Variants in IMMP2L observed in about 807,000 individuals in gnomAD.
The protein encoded by IMMP2L is inner mitochondrial membrane peptidase subunit 2, also known as mitochondrial inner membrane protease subunit 2.
In IMMP2L, 18 loss-of-function variants were observed where a neutral mutation model predicts 19.3. The ratio of observed to expected loss-of-function variants is 0.93; its 90% CI spans 0.64 to 1.38. The LOEUF (loss-of-function observed/expected upper bound fraction) is 1.38. Among genes scored for constraint, IMMP2L ranks in the 40% most tolerant of loss-of-function variants. The pLI is 0.00. For missense variants in IMMP2L, 233 were observed against 218.2 expected (o/e 1.07, Z -0.43); for synonymous variants, 76 against 73.0 (o/e 1.04, Z -0.21).
intron 3 of IMMP2L, among the ~76,000 whole-genome samples, chr7:111,435,902 C>A (rs755596533): frequency 1.3e-5 from 2 of 151,730 alleles, no homozygotes; most frequent in African/African-American, 2.4e-5. Flanking sequence ...TCAAGGATAG[C>A]AGCTATCAGA....
rs151180120 is a variant in IMMP2L, at chr7:111,414,094, A to G, written c.239+73144T>C. ...CACCCCCATGAGAATCTTTGCAGTG[A>G]ACTTGACCCCCTCCTCAGGGGCTGG... On this transcript the variant is annotated intron_variant, in intron 3 of 5. Coordinates refer to ENST00000405709, the MANE Select transcript of IMMP2L (RefSeq NM_032549.4). 2.1e-3 allele frequency among the ~76,000 whole-genome samples: 326 copies of G among 151,806 alleles called. 13 individuals are homozygous for G. The highest frequency in any genetic ancestry group is 7.5e-3 in the African/African-American group (308 of 41,170).
At chr7:111,253,710 T>C (rs1204303521) in intron 3 of IMMP2L, among the ~76,000 whole-genome samples, 1 of 152,132 alleles carries the variant, frequency 6.6e-6, no homozygotes, top group Admixed American at 6.6e-5. Flanking sequence ...TCACAAAATA[T>C]GTATCAATAT....
rs1179727456 is a variant in IMMP2L, at chr7:111,016,809, CTATATATTATATATAATATATAG to C, written c.240-53267_240-53245del. Among the ~76,000 whole-genome samples, 97 of 43,118 alleles carry C rather than the reference CTATATATTATATATAATATATAG, an allele frequency of 2.2e-3. 2 individuals are homozygous for C. The highest frequency in any genetic ancestry group is 3.8e-3 in the Non-Finnish European group (85 of 22,086). The allele number at this position is 43,118 out of a possible 152,430, so 28.3% of individuals were successfully genotyped here. On this transcript the variant is annotated intron_variant, in intron 3 of 5. Coordinates refer to ENST00000405709, the MANE Select transcript of IMMP2L (RefSeq NM_032549.4). ...TATACTATATAATATATAATATATACTATATATTATATATAATATATAGTATATATTATATATAATATATATTA... is the reference window on the plus strand; with the variant it reads ...TATACTATATAATATATAATATATACTATATATTATATATAATATATATTA...
chr7:111,361,341 C>T (rs1421094501), intron 3 of IMMP2L, among the ~76,000 whole-genome samples: 7 of 152,030 alleles, frequency 4.6e-5, no homozygotes, highest in Non-Finnish European at 1.0e-4. Flanking sequence ...AAAATTGTTG[C>T]ATTTTGCAAG....
At chr7:111,315,894 A>G (rs1002506719) in intron 3 of IMMP2L, among the ~76,000 whole-genome samples, 21 of 152,308 alleles carry the variant, frequency 1.4e-4, no homozygotes, top group Admixed American at 1.0e-3. Flanking sequence ...AGGAAAGTAC[A>G]GTTATGCATC....
chr7:111,128,109 A>C (rs531198987), intron 3 of IMMP2L, among the ~76,000 whole-genome samples: 1 of 152,294 alleles, frequency 6.6e-6, no homozygotes, highest in East Asian at 1.9e-4. Flanking sequence ...AAAAGTTTTT[A>C]AGTAAAACTA....
At chr7:111,426,546 T>C (rs558943927) in intron 3 of IMMP2L, among the ~76,000 whole-genome samples, 3 of 151,280 alleles carry the variant, frequency 2.0e-5, no homozygotes, top group South Asian at 4.1e-4. Context: ...TGCAAATCTT[T>C]CACACAGCAA....
At chr7:111,489,099 A>G (rs947357789) in intron 2 of IMMP2L, among the ~76,000 whole-genome samples, 9 of 132,580 alleles carry the variant, frequency 6.8e-5, no homozygotes, top group Admixed American at 3.6e-4. Flanking sequence ...GCTGGAGTGC[A>G]GTGGCATCAT....
intron 5 of IMMP2L, among the ~76,000 whole-genome samples, chr7:110,725,179 G>A (rs1472852012): frequency 1.3e-5 from 2 of 152,142 alleles, no homozygotes; most frequent in Admixed American, 1.3e-4. Context: ...TTCAGACACG[G>A]ATCACACTTG....
At chr7:111,073,406 C>T (rs1795127414) in intron 3 of IMMP2L, among the ~76,000 whole-genome samples, 1 of 152,054 alleles carries the variant, frequency 6.6e-6, no homozygotes, top group South Asian at 2.1e-4. Flanking sequence ...ATATTTTTTA[C>T]AAGTTTAAAT....
intron 3 of IMMP2L, among the ~76,000 whole-genome samples, chr7:110,977,707 C>T (rs967325392): frequency 3.3e-5 from 5 of 151,842 alleles, no homozygotes; most frequent in Admixed American, 2.6e-4. Context: ...CTTTCTCTCT[C>T]TCTCTCTTTT....
At position 110,728,325 on chromosome 7, in the gene IMMP2L, C is replaced by A. The variant is rs1424809069; in HGVS notation, c.409-64604G>T. 1.3e-5 allele frequency among the ~76,000 whole-genome samples: 2 copies of A among 151,810 alleles called. No individual in the cohort carries two copies. Among genetic ancestry groups the A allele is most frequent in the African/African-American group, 2.4e-5 (1 of 41,286 alleles). ...ACCAGCCTGGGCAACATGGCAAAAC[C>A]CTGTATCTATAAAATATATAAAAAT... is the stretch of plus-strand genomic sequence containing the variant. On this transcript the variant is annotated intron_variant, in intron 5 of 5. Transcript: ENST00000405709. This position sits in a 1 kb window ranked among gnomAD's most constrained non-coding sequence, Gnocchi z 4.6.
At chr7:110,932,203 C>T (rs1585318182) in intron 4 of IMMP2L, among the ~76,000 whole-genome samples, 1 of 152,174 alleles carries the variant, frequency 6.6e-6, no homozygotes, top group Admixed American at 6.5e-5. Context: ...TCGATGTCCA[C>T]GTTGCCTAGA....
intron 2 of IMMP2L, among the ~76,000 whole-genome samples, chr7:111,497,238 A>C (rs1481021752): frequency 6.6e-6 from 1 of 152,186 alleles, no homozygotes; most frequent in Non-Finnish European, 1.5e-5. Context: ...TTAAAGTCTT[A>C]AAAGTGATCT....
intron 2 of IMMP2L, among the ~76,000 whole-genome samples, chr7:111,497,533 A>G (rs978167716): frequency 2.0e-5 from 3 of 152,170 alleles, no homozygotes; most frequent in Non-Finnish European, 2.9e-5. Context: ...TGTCTGGAGA[A>G]TAAGTGAAAA....
At chr7:111,385,918 A>G (rs533256235) in intron 3 of IMMP2L, among the ~76,000 whole-genome samples, 1 of 151,598 alleles carries the variant, frequency 6.6e-6, no homozygotes, top group South Asian at 2.1e-4. Context: ...ATTGCTCCAC[A>G]TGAATTTTTT....
At chr7:110,861,098 T>TGTGA (rs780880935) in intron 5 of IMMP2L, among the ~76,000 whole-genome samples, 5 of 141,636 alleles carry the variant, frequency 3.5e-5, no homozygotes, top group South Asian at 2.3e-4. Context: ...TGTGTGTGTG[T>TGTGA]GAGAGAGAGA....
chr7:110,785,391 T>C (rs945172239), intron 5 of IMMP2L, among the ~76,000 whole-genome samples: 6 of 151,932 alleles, frequency 3.9e-5, no homozygotes, highest in Non-Finnish European at 8.8e-5. Context: ...TTAAAAATGG[T>C]TCTGGTGACC....
rs1584780115 is a variant in IMMP2L at position 110,772,334 on chromosome 7, G to A, written c.409-108613C>T. Among the ~76,000 whole-genome samples, 3 of 152,172 alleles carry A rather than the reference G, an allele frequency of 2.0e-5. No homozygotes were observed. The East Asian group carries it at 5.8e-4, about 30-fold the overall frequency. ...CAACCATCGGCCTTCTTGTTCTCAA[G>A]GCTCTTCTCTGCTGTCTGGTCAGGA... On this transcript the variant is annotated intron_variant, in intron 5 of 5. Transcript: ENST00000405709.
Sources: gnomAD v4.1 joint callset for allele counts (sites outside exome capture counted in the v4.1 genomes callset) on GRCh38, gnomAD v4.1.1 for gene constraint, Gnocchi (gnomAD v3.1) non-coding constraint, MANE v1.5 for transcripts, NCBI Gene and HGNC (gene_info 2026-07-23, HGNC 2026-07-21) for gene names.